The following TAF2 variants were observed in gnomAD, a reference collection of about 807,000 sequenced individuals.
The protein encoded by TAF2 is transcription initiation factor TFIID subunit 2.
Under a neutral mutation model 138.5 loss-of-function variants are expected in TAF2, and 61 were observed. The observed-to-expected ratio is 0.44, with a 90% CI of 0.36 to 0.54. The LOEUF (loss-of-function observed/expected upper bound fraction) is 0.54, where lower values mean the gene tolerates loss of function less well. Among genes scored for constraint, TAF2 ranks in the 20% least tolerant of loss-of-function variants. The probability of loss-of-function intolerance (pLI) is 0.00; values close to 1 mark genes in which losing one functional copy is unlikely to be tolerated. For synonymous variants in TAF2, 475 were observed against 469.9 expected (o/e 1.01, Z -0.14); for missense variants, 1,090 against 1,427.9 (o/e 0.76, Z 3.81).
intron 3 of TAF2, among the ~76,000 whole-genome samples, chr8:119,814,418 T>C (rs1305651809): frequency 6.6e-6 from 1 of 151,946 alleles, no homozygotes; most frequent in Non-Finnish European, 1.5e-5. Flanking sequence ...GAAGTCTGCA[T>C]TAAAATATAG....
At chr8:119,804,896 T>G (rs941925622) in intron 4 of TAF2, among the ~76,000 whole-genome samples, 11 of 152,154 alleles carry the variant, frequency 7.2e-5, no homozygotes, top group African/African-American at 2.4e-4. Flanking sequence ...TTCTTCACTA[T>G]AAACTGTGTT....
intron 25 of TAF2, among the ~76,000 whole-genome samples, chr8:119,738,973 G>A (rs1182830564): frequency 6.7e-6 from 1 of 148,722 alleles, no homozygotes; most frequent in Non-Finnish European, 1.5e-5. Flanking sequence ...GGTTTCAAAA[G>A]AAAGACCTCT....
chr8:119,822,395 A>T (rs2131261900), intron 2 of TAF2, among the ~76,000 whole-genome samples: 1 of 151,758 alleles, frequency 6.6e-6, no homozygotes, highest in South Asian at 2.1e-4. Context: ...GTTAATTAAA[A>T]ATTTTTTTCT....
At chr8:119,813,905 C>A (rs942365047) in intron 3 of TAF2, among the ~76,000 whole-genome samples, 4 of 152,008 alleles carry the variant, frequency 2.6e-5, no homozygotes, top group Non-Finnish European at 5.9e-5. Context: ...CACTTGAGGC[C>A]AGGAGTTCAA....
intron 25 of TAF2, among the ~76,000 whole-genome samples, chr8:119,740,084 C>A (rs1420822142): frequency 6.6e-6 from 1 of 152,060 alleles, no homozygotes; most frequent in Admixed American, 6.5e-5. Context: ...CTCCTAAACC[C>A]GCAACTCTCA....
chr8:119,756,185 T>TA (rs1820691600), intron 21 of TAF2, 70 bp from the exon 22 acceptor site: 2 of 1,053,292 alleles, frequency 1.9e-6, no homozygotes, highest in Admixed American at 3.5e-5. Flanking sequence ...GGAGACAACA[T>TA]AAACACTGAA....
chr8:119,770,759 T>A (rs901004969), intron 18 of TAF2, among the ~76,000 whole-genome samples: 2 of 152,150 alleles, frequency 1.3e-5, no homozygotes, highest in African/African-American at 4.8e-5. Context: ...TGAACAGAAA[T>A]GGCATAAATG....
rs911868680 is a variant in TAF2, at chr8:119,778,666, T to C, written c.2254-537A>G. ...AGCCAACCTTCAGTCTTAGAACAAA[T>C]TGATTGTCCCAACACCTAATCCTCA... On this transcript the variant is annotated intron_variant, in intron 17 of 25. Coordinates refer to ENST00000378164, the MANE Select transcript of TAF2 (RefSeq NM_003184.4). Among the ~76,000 whole-genome samples the C allele has an allele frequency of 1.1e-4, 16 of 152,284 alleles. No homozygotes were observed. The Middle Eastern group carries it at 0.01, about 97-fold the overall frequency.
intron 2 of TAF2, among the ~76,000 whole-genome samples, chr8:119,829,945 G>T (rs971498290): frequency 6.8e-6 from 1 of 146,686 alleles, no homozygotes; most frequent in African/African-American, 2.5e-5. Flanking sequence ...CTGCAAGTTC[G>T]CCTCCCAGGT....
chr8:119,783,637 C>A lies in TAF2; in HGVS notation c.1860-4G>T. Reference sequence around the variant, plus strand: ...CCACAGCAAAGGGGAATCAGCACTGCAAGAAAATACAATTTTCTTTTTAAT... The same window carrying A: ...CCACAGCAAAGGGGAATCAGCACTGAAAGAAAATACAATTTTCTTTTTAAT... On this transcript the variant is annotated splice_polypyrimidine_tract_variant and splice_region_variant and intron_variant, in intron 15 of 25. Transcript: ENST00000378164. The A allele has an allele frequency of 6.2e-7, 1 of 1,612,004 alleles. No homozygotes were observed. The highest frequency in any genetic ancestry group is 2.2e-5 in the East Asian group (1 of 44,836).
intron 24 of TAF2, among the ~76,000 whole-genome samples, chr8:119,743,223 A>G (rs549991689): frequency 1.2e-4 from 18 of 152,332 alleles, no homozygotes; most frequent in Middle Eastern, 6.8e-3. Flanking sequence ...TTATATACCA[A>G]TAAGAATTTT....
chr8:119,756,221 AT>A (rs1458204755), intron 21 of TAF2, 106 bp from the exon 22 acceptor site: 1 of 748,640 alleles, frequency 1.3e-6, no homozygotes, highest in African/African-American at 1.7e-5. Context: ...CCTCCTTCCT[AT>A]TTTAACACTT....
At chr8:119,783,008 GACACACACACACACAC>G (rs35199230) in intron 16 of TAF2, among the ~76,000 whole-genome samples, 1 of 150,324 alleles carries the variant, frequency 6.7e-6, no homozygotes, top group African/African-American at 2.4e-5. Context: ...CACACCCACA[GACACACACACACACAC>G]ACACAGAGAT....
At chr8:119,805,658 T>C (rs1390817953) in intron 4 of TAF2, among the ~76,000 whole-genome samples, 4 of 151,760 alleles carry the variant, frequency 2.6e-5, no homozygotes, top group Admixed American at 6.6e-5. Flanking sequence ...TGAGCCAAGA[T>C]TGCGCCATTG....
In TAF2 at chr8:119,731,632, G is replaced by T; in HGVS notation, c.*292C>A. 2.4e-6 allele frequency: 1 copy of T among 419,964 alleles called. No homozygotes were observed. The highest frequency in any genetic ancestry group is 2.5e-5 in the South Asian group (1 of 40,474). The allele number at this position is 419,964 out of a possible 1,614,324, so 26.0% of individuals were successfully genotyped here. A position where few individuals can be genotyped will look rare whatever the true frequency, so the allele number is the denominator to read the frequency against. On this transcript the variant is annotated 3_prime_UTR_variant, in exon 26 of 26. Coordinates refer to ENST00000378164, the MANE Select transcript of TAF2 (RefSeq NM_003184.4). ...ACATGGAGACCATGATGCGAACGGG[G>T]ACTGCCAGTGGATATGAGGGCTTTT... is the stretch of plus-strand genomic sequence containing the variant.
chr8:119,783,304 G>A lies in TAF2; in HGVS notation c.2112+77C>T, dbSNP rs1822799387. 3 of 1,538,186 alleles carry A rather than the reference G, an allele frequency of 2.0e-6. No homozygotes were observed. In the East Asian group the frequency reaches 6.8e-5, roughly 35 times the overall value. ...AGCTACCAAGTAAATTTAAAGACTAGGTGAATTTTAATTCATTTTCAGAGA... is the reference window on the plus strand; with the variant it reads ...AGCTACCAAGTAAATTTAAAGACTAAGTGAATTTTAATTCATTTTCAGAGA... On this transcript the variant is annotated intron_variant, in intron 16 of 25. Transcript: ENST00000378164.
chr8:119,784,292 T>C (rs530765026), intron 15 of TAF2, among the ~76,000 whole-genome samples: 4 of 152,312 alleles, frequency 2.6e-5, no homozygotes, highest in South Asian at 4.1e-4. Context: ...CAATGGCTCA[T>C]GTCTGTAACC....
At chr8:119,810,564 A>G (rs1824982357) in intron 3 of TAF2, among the ~76,000 whole-genome samples, 6 of 152,220 alleles carry the variant, frequency 3.9e-5, no homozygotes, top group Non-Finnish European at 8.8e-5. Flanking sequence ...AAAATCTACA[A>G]AACTGTTTCA....
intron 18 of TAF2, 182 bp from the exon 19 acceptor site, chr8:119,762,790 T>G (rs1448951120): frequency 1.8e-6 from 1 of 557,228 alleles, no homozygotes; most frequent in Non-Finnish European, 3.1e-6. Flanking sequence ...CAGTAAGAGA[T>G]TCACTATAAC....
Sources: gnomAD v4.1 joint callset for allele counts (sites outside exome capture counted in the v4.1 genomes callset) on GRCh38, gnomAD v4.1.1 for gene constraint, MANE v1.5 for transcripts, NCBI Gene and HGNC (gene_info 2026-07-23, HGNC 2026-07-21) for gene names.